The following CCDC178 variants were observed in gnomAD, a reference collection of about 807,000 sequenced individuals.
CCDC178 encodes coiled-coil domain containing 178.
In CCDC178, 126 loss-of-function variants were observed where a neutral mutation model predicts 117.4. The ratio of observed to expected loss-of-function variants is 1.07; its 90% CI spans 0.93 to 1.24. The LOEUF is 1.24. Ranked by LOEUF, CCDC178 falls within the 50% of genes most tolerant of loss-of-function variation. The pLI, the probability that CCDC178 is intolerant of heterozygous loss-of-function variation, is 0.00. For missense variants in CCDC178, 1,030 were observed against 986.9 expected (o/e 1.04, Z -0.59); for synonymous variants, 283 against 313.4 (o/e 0.90, Z 1.02).
At chr18:33,315,208 A>C (rs888930157) in intron 11 of CCDC178, among the ~76,000 whole-genome samples, 2 of 152,108 alleles carry the variant, frequency 1.3e-5, no homozygotes, top group African/African-American at 2.4e-5. Context: ...TAGACTCACT[A>C]ACTAACACTG....
At chr18:33,295,524 T>C (rs2062096047) in intron 11 of CCDC178, among the ~76,000 whole-genome samples, 1 of 152,080 alleles carries the variant, frequency 6.6e-6, no homozygotes, top group African/African-American at 2.4e-5. Flanking sequence ...AAACATAGAA[T>C]ATATTTACAT....
At chr18:33,378,684 T>C (rs755156705) in intron 5 of CCDC178, among the ~76,000 whole-genome samples, 6 of 152,326 alleles carry the variant, frequency 3.9e-5, no homozygotes, top group Middle Eastern at 3.4e-3. Flanking sequence ...TCGACATCTA[T>C]TGAGATGATC....
At chr18:33,327,165 T>C (rs922664963) in intron 10 of CCDC178, among the ~76,000 whole-genome samples, 19 of 152,230 alleles carry the variant, frequency 1.2e-4, no homozygotes, top group African/African-American at 4.3e-4. Context: ...TGTCTATGGA[T>C]TTACCTATAC....
chr18:33,187,328 A>G (rs1439383830), intron 20 of CCDC178, among the ~76,000 whole-genome samples: 1 of 152,078 alleles, frequency 6.6e-6, no homozygotes. Context: ...TCTCCACTCC[A>G]TGACTCCATA....
chr18:33,291,969 T>C (rs963039712), intron 12 of CCDC178, among the ~76,000 whole-genome samples: 43 of 149,080 alleles, frequency 2.9e-4, no homozygotes, highest in Non-Finnish European at 5.9e-4. Flanking sequence ...GTTGGGACTA[T>C]AAATGAACAC....
At chr18:33,237,359 C>A (rs2059436814) in intron 15 of CCDC178, among the ~76,000 whole-genome samples, 1 of 152,186 alleles carries the variant, frequency 6.6e-6, no homozygotes, top group African/African-American at 2.4e-5. Context: ...CAAACTAGTG[C>A]ATGTCCACCC....
intron 21 of CCDC178, among the ~76,000 whole-genome samples, chr18:33,009,271 C>T (rs1391322107): frequency 6.6e-6 from 1 of 152,032 alleles, no homozygotes; most frequent in Non-Finnish European, 1.5e-5. Flanking sequence ...CCAGAGTGAT[C>T]CAATTAAACC....
rs1025934613 is a variant in CCDC178 at position 33,385,988 on chromosome 18, A to T, written c.208+3552T>A. On this transcript the variant is annotated intron_variant, in intron 5 of 22. Transcript: ENST00000383096. ...TAATTTTTAAAAAAGAGAAGATTCA[A>T]ATAAACAATCAGAAACGATAAGGGG... is the stretch of plus-strand genomic sequence containing the variant. Among the ~76,000 whole-genome samples, 3 of 152,298 alleles carry T rather than the reference A, an allele frequency of 2.0e-5. No individual in the cohort carries two copies. The South Asian group carries it at 6.2e-4, about 32-fold the overall frequency.
At chr18:33,252,923 T>A (rs770237213) in intron 14 of CCDC178, among the ~76,000 whole-genome samples, 6 of 151,750 alleles carry the variant, frequency 4.0e-5, no homozygotes, top group Non-Finnish European at 5.9e-5. Flanking sequence ...TATATAGAAA[T>A]TCATACCACA....
chr18:32,964,764 T>C (rs946852078), intron 22 of CCDC178, among the ~76,000 whole-genome samples: 16 of 151,962 alleles, frequency 1.1e-4, no homozygotes, highest in Non-Finnish European at 2.4e-4. Flanking sequence ...AGCGGTTAAG[T>C]GTATATTTTC....
At chr18:33,439,275 A>G (rs2064341172) in intron 2 of CCDC178, among the ~76,000 whole-genome samples, 1 of 152,228 alleles carries the variant, frequency 6.6e-6, no homozygotes, top group African/African-American at 2.4e-5. Context: ...AACAGGAAGA[A>G]AAATTCTGAG....
At position 33,245,398 on chromosome 18, in the gene CCDC178, T is replaced by C; in HGVS notation, c.1440A>G (p.Glu480=). The change falls in exon 15 of 23, where the codon GAA becomes GAG. Residue 480 remains glutamate, a synonymous_variant. Transcript: ENST00000383096. ...SIRKKSKYES[E]IKYLTIMKLK... ...ACTTCATTATTGTCAAATATTTTAT[T>C]TCAGATTCGTATTTTGATTTTTTCC... 2 of 1,576,354 alleles carry C rather than the reference T, an allele frequency of 1.3e-6. No homozygotes were observed. The highest frequency in any genetic ancestry group is 1.7e-6 in the Non-Finnish European group (2 of 1,162,812).
At chr18:33,242,550 C>T (rs1311802839) in intron 15 of CCDC178, among the ~76,000 whole-genome samples, 2 of 150,878 alleles carry the variant, frequency 1.3e-5, no homozygotes, top group Admixed American at 6.6e-5. Flanking sequence ...ACTCAAACAT[C>T]TCAACAGCAA....
intron 21 of CCDC178, among the ~76,000 whole-genome samples, chr18:33,002,573 A>G (rs2055660415): frequency 6.6e-6 from 1 of 152,058 alleles, no homozygotes; most frequent in African/African-American, 2.4e-5. Flanking sequence ...AAGAACCTAC[A>G]TCAAACATGA....
At chr18:33,093,977 C>A (rs1462605830) in intron 20 of CCDC178, among the ~76,000 whole-genome samples, 2 of 151,858 alleles carry the variant, frequency 1.3e-5, no homozygotes, top group Non-Finnish European at 2.9e-5. Context: ...TCACAACAAA[C>A]CCTTAGTATA....
chr18:33,318,827 A>G (rs1301873704), intron 11 of CCDC178, among the ~76,000 whole-genome samples: 1 of 152,146 alleles, frequency 6.6e-6, no homozygotes, highest in African/African-American at 2.4e-5. Context: ...CTGAAAGTCA[A>G]ATGGTCAGCT....
intron 3 of CCDC178, among the ~76,000 whole-genome samples, chr18:33,398,885 G>A (rs1257403897): frequency 1.3e-5 from 2 of 152,116 alleles, no homozygotes; most frequent in African/African-American, 4.8e-5. Flanking sequence ...TCTAAACATT[G>A]TCTAAATATT....
intron 14 of CCDC178, among the ~76,000 whole-genome samples, chr18:33,263,360 A>G (rs2059773585): frequency 6.6e-6 from 1 of 152,190 alleles, no homozygotes; most frequent in African/African-American, 2.4e-5. Flanking sequence ...CTGCCATAAT[A>G]TTTACAACAA....
intron 22 of CCDC178, among the ~76,000 whole-genome samples, chr18:32,969,237 GACAC>G (rs1351536393): frequency 3.9e-5 from 6 of 152,080 alleles, no homozygotes; most frequent in Non-Finnish European, 8.8e-5. Context: ...AGAAGGCACA[GACAC>G]ACACACAGAT....
Sources: gnomAD v4.1 joint callset for allele counts (sites outside exome capture counted in the v4.1 genomes callset) on GRCh38, gnomAD v4.1.1 for gene constraint, MANE v1.5 for transcripts, NCBI Gene and HGNC (gene_info 2026-07-23, HGNC 2026-07-21) for gene names.